The following CADM2 variants were observed in gnomAD, a reference collection of about 807,000 sequenced individuals.
The protein encoded by CADM2 is immunoglobulin superfamily member 4D.
Under a neutral mutation model 49.8 loss-of-function variants are expected in CADM2, and 12 were observed. The observed-to-expected ratio is 0.24, with a 90% CI of 0.15 to 0.39. The LOEUF is 0.39. Among genes scored for constraint, CADM2 ranks in the 10% least tolerant of loss-of-function variants. The pLI is 1.00. For missense variants in CADM2, 378 were observed against 492.3 expected, an observed-to-expected ratio of 0.77 and a Z score of 2.20; for synonymous variants, 214 against 175.4, an observed-to-expected ratio of 1.22 and a Z score of -1.74.
intron 1 of CADM2, among the ~76,000 whole-genome samples, chr3:85,518,422 C>CTTTTT (rs35500944): frequency 1.4e-5 from 2 of 142,552 alleles, no homozygotes; most frequent in African/African-American, 2.5e-5. Context: ...ACAATCTAGG[C>CTTTTT]TTTTTTTTTT....
intron 9 of CADM2, 81 bp downstream of exon 9, chr3:86,065,811 T>C (rs192527894): frequency 0.013 from 18,372 of 1,394,650 alleles, 149 homozygotes; most frequent in Non-Finnish European, 0.016. Flanking sequence ...TATCAGTGCA[T>C]ATATGTTTCT....
chr3:85,183,522 G>A (rs2040984280), intron 1 of CADM2, among the ~76,000 whole-genome samples: 1 of 152,104 alleles, frequency 6.6e-6, no homozygotes. Context: ...TTCTAAGCCT[G>A]AGACACTTTC....
intron 5 of CADM2, among the ~76,000 whole-genome samples, chr3:85,911,523 T>C (rs953460569): frequency 1.3e-5 from 2 of 152,236 alleles, no homozygotes; most frequent in African/African-American, 2.4e-5. Context: ...TATACTTAAG[T>C]ATTCAAAATA....
At chr3:85,554,152 T>G (rs1161050554) in intron 1 of CADM2, among the ~76,000 whole-genome samples, 2 of 151,266 alleles carry the variant, frequency 1.3e-5, no homozygotes, top group Non-Finnish European at 2.9e-5. Flanking sequence ...GGGCGGGAGG[T>G]GTTTTGAGGA....
At chr3:85,002,180 G>A (rs17022250) in intron 1 of CADM2, among the ~76,000 whole-genome samples, 12,172 of 151,778 alleles carry the variant, frequency 0.08, 683 homozygotes, top group Admixed American at 0.19. Flanking sequence ...AATTACTGTC[G>A]ATATCAATTG....
intron 1 of CADM2, among the ~76,000 whole-genome samples, chr3:85,480,752 T>C (rs571096273): frequency 6.6e-6 from 1 of 151,958 alleles, no homozygotes; most frequent in African/African-American, 2.4e-5. Context: ...TTACAACAGG[T>C]TGCTCATTTC....
rs199610529 is a variant in CADM2 at position 85,218,144 on chromosome 3, CAG to C, written c.61+258479_61+258480del. 7.2e-4 allele frequency among the ~76,000 whole-genome samples: 109 copies of C among 151,852 alleles called. 1 individual carries two copies. The East Asian group carries it at 0.012, about 17-fold the overall frequency. On this transcript the variant is annotated intron_variant, in intron 1 of 9. Transcript: ENST00000383699. ...ATAAAGCACTAGATTGTGTAAAATA[CAG>C]AGTCTTTTTTTAAAAAAAATTATAA...
intron 1 of CADM2, among the ~76,000 whole-genome samples, chr3:85,224,776 G>A (rs1385251043): frequency 1.3e-5 from 2 of 152,098 alleles, no homozygotes; most frequent in Non-Finnish European, 2.9e-5. Context: ...GTTAATTTTT[G>A]TATAAGGTGT....
At chr3:85,232,634 A>C (rs989923787) in intron 1 of CADM2, among the ~76,000 whole-genome samples, 5 of 152,178 alleles carry the variant, frequency 3.3e-5, no homozygotes, top group African/African-American at 1.2e-4. Context: ...ATCTCACCAA[A>C]AAAGCTTTAC....
chr3:85,400,480 C>G (rs368793338), intron 1 of CADM2, among the ~76,000 whole-genome samples: 2,111 of 152,156 alleles, frequency 0.014, 120 homozygotes, highest in South Asian at 0.11. Context: ...AGTTAGGGAG[C>G]ATTTCCTCTT....
chr3:86,035,292 C>T (rs1357877877), intron 8 of CADM2, among the ~76,000 whole-genome samples: 3 of 151,654 alleles, frequency 2.0e-5, no homozygotes, highest in Non-Finnish European at 2.9e-5. Context: ...CCATTTTCTA[C>T]CTCTAGTATT....
chr3:85,631,728 T>A (rs2064314183), intron 1 of CADM2, among the ~76,000 whole-genome samples: 1 of 152,134 alleles, frequency 6.6e-6, no homozygotes, highest in South Asian at 2.1e-4. Context: ...TAGTGTATTT[T>A]AAAAAATTTA....
In CADM2 at chr3:85,965,596, A is replaced by G. The variant is rs938442997; in HGVS notation, c.970+3949A>G. Among the ~76,000 whole-genome samples the G allele has an allele frequency of 3.3e-5, 5 of 151,524 alleles. No individual in the cohort carries two copies. In the Admixed American group the frequency reaches 3.3e-4, roughly 10 times the overall value. On this transcript the variant is annotated intron_variant, in intron 8 of 9. Coordinates refer to ENST00000383699, the MANE Select transcript of CADM2 (RefSeq NM_001167675.2). ...AATGAGAAAACTCTAATTTTTTTCT[A>G]TGAGATAGAAAATGTCTTAAAATCT...
chr3:85,751,550 A>G (rs1437441926), intron 2 of CADM2, among the ~76,000 whole-genome samples: 1 of 152,176 alleles, frequency 6.6e-6, no homozygotes, highest in African/African-American at 2.4e-5. Context: ...CAATACACCC[A>G]TGTGTTGAGT....
intron 1 of CADM2, among the ~76,000 whole-genome samples, chr3:85,480,929 T>G (rs556097453): frequency 1.4e-4 from 22 of 151,906 alleles, no homozygotes; most frequent in African/African-American, 5.1e-4. Context: ...AATATTTATA[T>G]GAATAATCCT....
intron 1 of CADM2, among the ~76,000 whole-genome samples, chr3:85,642,620 G>C (rs1014714891): frequency 6.6e-6 from 1 of 152,098 alleles, no homozygotes; most frequent in Non-Finnish European, 1.5e-5. Flanking sequence ...TATTTGCTCA[G>C]ATAACCTAAC....
chr3:85,230,391 C>G lies in CADM2; in HGVS notation c.61+270723C>G, dbSNP rs545139548. On this transcript the variant is annotated intron_variant, in intron 1 of 9. Transcript: ENST00000383699. ...TATCCCCTCCATTAGTGCAAGTAAT[C>G]GAGTATTTGAATTTGAAAGTGCAAC... is the stretch of plus-strand genomic sequence containing the variant. 3.9e-5 allele frequency among the ~76,000 whole-genome samples: 6 copies of G among 152,198 alleles called. No homozygotes were observed. The South Asian group carries it at 8.3e-4, about 21-fold the overall frequency.
At chr3:85,833,001 G>A (rs970421550) in intron 3 of CADM2, among the ~76,000 whole-genome samples, 1 of 151,722 alleles carries the variant, frequency 6.6e-6, no homozygotes, top group Non-Finnish European at 1.5e-5. Context: ...TTTGTTGAGG[G>A]TTTTTATCAT....
intron 1 of CADM2, among the ~76,000 whole-genome samples, chr3:85,269,755 T>C (rs997629967): frequency 6.6e-6 from 1 of 151,384 alleles, no homozygotes; most frequent in African/African-American, 2.4e-5. Flanking sequence ...CTGTTTCTTT[T>C]GAGGCCGAAT....
Sources: gnomAD v4.1 joint callset for allele counts (sites outside exome capture counted in the v4.1 genomes callset) on GRCh38, gnomAD v4.1.1 for gene constraint, MANE v1.5 for transcripts, NCBI Gene and HGNC (gene_info 2026-07-23, HGNC 2026-07-21) for gene names.